The following COLGALT2 variants were observed in gnomAD, a reference collection of about 807,000 sequenced individuals.
COLGALT2 encodes the protein procollagen galactosyltransferase 2.
Under a neutral mutation model 73.4 loss-of-function variants are expected in COLGALT2, and 49 were observed. The observed-to-expected ratio is 0.67, with a 90% CI of 0.53 to 0.85. The LOEUF (loss-of-function observed/expected upper bound fraction) is 0.85. Ranked by LOEUF, COLGALT2 falls within the 40% of genes least tolerant of loss-of-function variation. COLGALT2 has a pLI of 0.00. For missense variants in COLGALT2, 722 were observed against 790.2 expected (o/e 0.91, Z 1.03); for synonymous variants, 295 against 307.6 (o/e 0.96, Z 0.43).
chr1:183,950,988 G>A lies in COLGALT2; in HGVS notation c.1136+19C>T, dbSNP rs1470506505. 1 of 1,570,646 alleles carries A rather than the reference G, an allele frequency of 6.4e-7. No individual in the cohort carries two copies. The highest frequency in any genetic ancestry group is 8.8e-7 in the Non-Finnish European group (1 of 1,140,808). On this transcript the variant is annotated intron_variant, in intron 8 of 11. Transcript: ENST00000361927. ...CACACTCCAATCACATCTGCAATGG[G>A]AGAAGAAACCCAACTCACTTTCCAT...
chr1:184,014,535 C>T (rs1558338036), intron 1 of COLGALT2, among the ~76,000 whole-genome samples: 1 of 152,146 alleles, frequency 6.6e-6, no homozygotes, highest in Non-Finnish European at 1.5e-5. Flanking sequence ...GAATGCTAAA[C>T]TGGCAAATGT....
chr1:184,035,273 A>G (rs1405538084), intron 1 of COLGALT2, among the ~76,000 whole-genome samples: 3 of 152,126 alleles, frequency 2.0e-5, no homozygotes, highest in Non-Finnish European at 4.4e-5. Flanking sequence ...ATTTATTCCA[A>G]CTCCCTCGTT....
intron 1 of COLGALT2, among the ~76,000 whole-genome samples, chr1:183,991,217 A>C (rs1002974334): frequency 2.6e-5 from 4 of 152,264 alleles, no homozygotes; most frequent in African/African-American, 4.8e-5. Context: ...TAAGTGAACA[A>C]ATAAATGCTT....
intron 1 of COLGALT2, among the ~76,000 whole-genome samples, chr1:184,031,516 C>T (rs1423252485): frequency 2.6e-5 from 4 of 152,208 alleles, no homozygotes; most frequent in Admixed American, 1.3e-4. Context: ...GAAACACTAG[C>T]GTTCTTATCT....
chr1:183,938,085 T>C lies in COLGALT2; in HGVS notation c.*676A>G, dbSNP rs939210774. 7 of 985,248 alleles carry C rather than the reference T, an allele frequency of 7.1e-6. No homozygotes were observed. The highest frequency in any genetic ancestry group is 3.5e-5 in the African/African-American group (2 of 57,170). The allele number at this position is 985,248 out of a possible 1,614,324, so 61.0% of individuals were successfully genotyped here. A position where few individuals can be genotyped will look rare whatever the true frequency, so the allele number is the denominator to read the frequency against. ...ACTGTCAAATATCTACTAAATTATA[T>C]CCACATGGCAAACTGGTCACCTCTA... On this transcript the variant is annotated 3_prime_UTR_variant, in exon 12 of 12. Coordinates refer to ENST00000361927, the MANE Select transcript of COLGALT2 (RefSeq NM_015101.4).
intron 1 of COLGALT2, 67 bp from the exon 2 acceptor site, chr1:183,978,587 A>T: frequency 1.1e-6 from 1 of 915,620 alleles, no homozygotes; most frequent in Non-Finnish European, 1.7e-6. Context: ...AATCCAAAAG[A>T]CCCCTGACTA....
chr1:184,008,916 T>C (rs1310707044), intron 1 of COLGALT2, among the ~76,000 whole-genome samples: 1 of 152,156 alleles, frequency 6.6e-6, no homozygotes, highest in Non-Finnish European at 1.5e-5. Context: ...GAGAGAATGA[T>C]AGAGCAAATA....
chr1:183,990,923 A>G (rs967477487), intron 1 of COLGALT2, among the ~76,000 whole-genome samples: 3 of 152,236 alleles, frequency 2.0e-5, no homozygotes, highest in African/African-American at 7.2e-5. Flanking sequence ...ACTGGTTTAT[A>G]ATTCTCTGAA....
chr1:184,018,285 A>T (rs1008258331), intron 1 of COLGALT2, among the ~76,000 whole-genome samples: 1 of 147,510 alleles, frequency 6.8e-6, no homozygotes, highest in African/African-American at 2.5e-5. Context: ...GAAAAAAAAA[A>T]TTATATCTGA....
rs564518806 is a variant in COLGALT2, at chr1:183,969,121, G to A, written c.832+148C>T. 2.1e-4 allele frequency: 126 copies of A among 586,442 alleles called. No homozygotes were observed. In the African/African-American group the frequency reaches 2.2e-3, roughly 10 times the overall value. The allele number at this position is 586,442 out of a possible 1,614,324, so 36.3% of individuals were successfully genotyped here. ...GTGCTCCCAGGGACAGCAACATAGA[G>A]GGTGCTGGTATGGTTATTGCAGACA... is the stretch of plus-strand genomic sequence containing the variant. On this transcript the variant is annotated intron_variant, in intron 5 of 11. Coordinates refer to ENST00000361927, the MANE Select transcript of COLGALT2 (RefSeq NM_015101.4).
intron 1 of COLGALT2, among the ~76,000 whole-genome samples, chr1:184,012,071 G>C (rs1448237343): frequency 1.3e-5 from 2 of 152,134 alleles, no homozygotes; most frequent in East Asian, 3.8e-4. Flanking sequence ...AAAGAATAAA[G>C]AAAAATAGGA....
At chr1:183,995,785 CT>C (rs557522408) in intron 1 of COLGALT2, among the ~76,000 whole-genome samples, 100 of 152,086 alleles carry the variant, frequency 6.6e-4, no homozygotes, top group African/African-American at 2.3e-3. Context: ...TTCTTTATCC[CT>C]TTAATTGCAC....
At chr1:184,016,069 C>T (rs10911492) in intron 1 of COLGALT2, among the ~76,000 whole-genome samples, 28,839 of 152,108 alleles carry the variant, frequency 0.19, 3,029 homozygotes, top group East Asian at 0.45. Context: ...TGAGGCCATA[C>T]ACAGTTAATA....
chr1:184,010,927 A>G (rs1012524997), intron 1 of COLGALT2, among the ~76,000 whole-genome samples: 1 of 152,196 alleles, frequency 6.6e-6, no homozygotes, highest in Non-Finnish European at 1.5e-5. Context: ...TAGGAAGCCA[A>G]TAGTGCCCTC....
intron 6 of COLGALT2, among the ~76,000 whole-genome samples, chr1:183,961,589 A>G (rs762041034): frequency 6.6e-5 from 10 of 152,170 alleles, no homozygotes; most frequent in Non-Finnish European, 1.3e-4. Context: ...TTGCAAAATC[A>G]CTCTATAGAT....
Position 184,036,976 on chromosome 1 carries a change from G to T in COLGALT2, c.263+119C>A. 5.7e-6 allele frequency: 5 copies of T among 876,862 alleles called. No individual in the cohort carries two copies. The South Asian group carries it at 2.0e-4, about 34-fold the overall frequency. The allele number at this position is 876,862 out of a possible 1,614,324, so 54.3% of individuals were successfully genotyped here. Reference sequence around the variant, plus strand: ...GGGGTGTGTGCGCCAGATTTTCCGCGTGCCCCCCCGCCCCTCCAGCGGCTC... The same window carrying T: ...GGGGTGTGTGCGCCAGATTTTCCGCTTGCCCCCCCGCCCCTCCAGCGGCTC... On this transcript the variant is annotated intron_variant, in intron 1 of 11. Coordinates refer to ENST00000361927, the MANE Select transcript of COLGALT2 (RefSeq NM_015101.4).
chr1:183,988,384 C>G (rs1369685846), intron 1 of COLGALT2, among the ~76,000 whole-genome samples: 1 of 152,206 alleles, frequency 6.6e-6, no homozygotes, highest in South Asian at 2.1e-4. Flanking sequence ...CGAATACTCA[C>G]TCTTCTAAAA....
intron 4 of COLGALT2, 138 bp downstream of exon 4, chr1:183,973,478 A>G (rs1558320780): frequency 2.7e-6 from 3 of 1,106,174 alleles, no homozygotes; most frequent in East Asian, 4.8e-5. Flanking sequence ...TGCCCTTCCT[A>G]AAAAATGCTT....
intron 1 of COLGALT2, among the ~76,000 whole-genome samples, chr1:184,021,791 T>TGCA (rs1352960262): frequency 6.6e-6 from 1 of 152,346 alleles, no homozygotes; most frequent in East Asian, 1.9e-4. Context: ...GTTGAGAATG[T>TGCA]GCAGCACTCA....
Sources: gnomAD v4.1 joint callset for allele counts (sites outside exome capture counted in the v4.1 genomes callset) on GRCh38, gnomAD v4.1.1 for gene constraint, MANE v1.5 for transcripts, NCBI Gene and HGNC (gene_info 2026-07-23, HGNC 2026-07-21) for gene names.